Variants in CRPPA observed in about 807,000 individuals in gnomAD.
CRPPA encodes the protein CDP-L-ribitol pyrophosphorylase A, also known as D-ribitol-5-phosphate cytidylyltransferase.
Under a neutral mutation model 52.0 loss-of-function variants are expected in CRPPA, and 43 were observed. The ratio of observed to expected loss-of-function variants is 0.83; its 90% CI spans 0.65 to 1.07. The LOEUF (loss-of-function observed/expected upper bound fraction) is 1.07, where lower values mean the gene tolerates loss of function less well. CRPPA is among the 50% of genes least tolerant of loss of function. CRPPA has a pLI of 0.00. For synonymous variants in CRPPA, 250 were observed against 203.5 expected (o/e 1.23, Z -1.94); for missense variants, 629 against 551.7 (o/e 1.14, Z -1.40).
chr7:16,359,416 G>A (rs1267386312), intron 3 of CRPPA, among the ~76,000 whole-genome samples: 1 of 152,180 alleles, frequency 6.6e-6, no homozygotes, highest in East Asian at 1.9e-4. Flanking sequence ...TGTCATCGTT[G>A]GAAGAATGTC....
At chr7:16,173,175 G>A (rs1191388164) in intron 9 of CRPPA, among the ~76,000 whole-genome samples, 6 of 152,160 alleles carry the variant, frequency 3.9e-5, no homozygotes, top group Non-Finnish European at 2.9e-5. Flanking sequence ...AAATTCCAGG[G>A]TTAAAGCCCA....
intron 9 of CRPPA, among the ~76,000 whole-genome samples, chr7:16,197,472 G>T (rs1402175024): frequency 2.0e-5 from 3 of 152,004 alleles, no homozygotes; most frequent in African/African-American, 7.3e-5. Flanking sequence ...AGGGTAGCTG[G>T]GATGACCGGT....
chr7:16,116,657 T>G (rs1452748103), intron 9 of CRPPA, among the ~76,000 whole-genome samples: 3 of 7,130 alleles, frequency 4.2e-4, no homozygotes, highest in Non-Finnish European at 1.2e-3. Context: ...CGAGACTCGG[T>G]CGAAAAAAAA....
At chr7:16,386,559 G>A (rs1445673706) in intron 2 of CRPPA, among the ~76,000 whole-genome samples, 1 of 152,106 alleles carries the variant, frequency 6.6e-6, no homozygotes, top group African/African-American at 2.4e-5. Context: ...TAACTGATTA[G>A]TCTATAACAT....
chr7:16,123,477 T>C (rs1371487575), intron 9 of CRPPA, among the ~76,000 whole-genome samples: 1 of 152,162 alleles, frequency 6.6e-6, no homozygotes, highest in East Asian at 1.9e-4. Flanking sequence ...TTAAGTTCTG[T>C]CCAGCAACAT....
chr7:16,344,659 G>A (rs1785961629), intron 3 of CRPPA, among the ~76,000 whole-genome samples: 1 of 151,892 alleles, frequency 6.6e-6, no homozygotes, highest in African/African-American at 2.4e-5. Context: ...TAATAAAAAG[G>A]TATAAATTAT....
intron 9 of CRPPA, among the ~76,000 whole-genome samples, chr7:16,201,063 A>T (rs1465794905): frequency 1.3e-5 from 2 of 152,220 alleles, no homozygotes; most frequent in Non-Finnish European, 2.9e-5. Context: ...ACTGCAAGGA[A>T]AATAAATTAA....
At chr7:16,389,107 T>C (rs971474304) in intron 2 of CRPPA, among the ~76,000 whole-genome samples, 1 of 152,170 alleles carries the variant, frequency 6.6e-6, no homozygotes, top group Non-Finnish European at 1.5e-5. Context: ...GGGAATTGAA[T>C]TAGTAATTTA....
At chr7:16,340,540 C>A (rs1047215202) in intron 3 of CRPPA, among the ~76,000 whole-genome samples, 1 of 148,746 alleles carries the variant, frequency 6.7e-6, no homozygotes, top group Non-Finnish European at 1.5e-5. Context: ...GATAATAGTT[C>A]ACATAATACA....
At chr7:16,255,109 C>G (rs1005360030) in intron 8 of CRPPA, among the ~76,000 whole-genome samples, 1 of 152,146 alleles carries the variant, frequency 6.6e-6, no homozygotes, top group Non-Finnish European at 1.5e-5. Flanking sequence ...GATACAAAAT[C>G]AACGTGCAAA....
chr7:16,316,743 G>A (rs147532733), intron 3 of CRPPA, among the ~76,000 whole-genome samples: 4 of 152,174 alleles, frequency 2.6e-5, no homozygotes, highest in African/African-American at 9.6e-5. Context: ...TGTAGTCCAA[G>A]CTACTCAGAA....
chr7:16,319,126 C>A (rs2128426954), intron 3 of CRPPA, among the ~76,000 whole-genome samples: 1 of 152,210 alleles, frequency 6.6e-6, no homozygotes, highest in Non-Finnish European at 1.5e-5. Flanking sequence ...ATAGCTGAGT[C>A]ATATATTATT....
At chr7:16,216,780 T>G (rs930575775) in intron 8 of CRPPA, among the ~76,000 whole-genome samples, 16 of 152,188 alleles carry the variant, frequency 1.1e-4, no homozygotes, top group South Asian at 4.2e-4. Context: ...CAACTGGCTC[T>G]GAGGGTCCTA....
chr7:16,410,832 C>A (rs908478069), intron 1 of CRPPA, among the ~76,000 whole-genome samples: 1 of 152,188 alleles, frequency 6.6e-6, no homozygotes, highest in Non-Finnish European at 1.5e-5. Context: ...CCCCTACTCC[C>A]CGCCAGCCCT....
intron 9 of CRPPA, among the ~76,000 whole-genome samples, chr7:16,162,843 T>G (rs1780936769): frequency 6.6e-6 from 1 of 152,172 alleles, no homozygotes; most frequent in Non-Finnish European, 1.5e-5. Context: ...AGAACTTGCT[T>G]TATGAATCTG....
chr7:16,317,890 T>C (rs1299580946), intron 3 of CRPPA, among the ~76,000 whole-genome samples: 3 of 152,158 alleles, frequency 2.0e-5, no homozygotes, highest in Non-Finnish European at 2.9e-5. Flanking sequence ...CTTTTGTCCA[T>C]ACCCTCACCA....
chr7:16,371,289 A>C (rs978035167), intron 3 of CRPPA, among the ~76,000 whole-genome samples: 6 of 152,180 alleles, frequency 3.9e-5, no homozygotes, highest in East Asian at 3.9e-4. Context: ...GAGAAAAATT[A>C]AACTGTATAC....
At chr7:16,290,288 G>GA (rs1168591245) in intron 5 of CRPPA, among the ~76,000 whole-genome samples, 20 of 147,980 alleles carry the variant, frequency 1.4e-4, no homozygotes, top group South Asian at 6.4e-4. Context: ...CACAGAAATA[G>GA]AAAAAAAAAC....
At chr7:16,190,893 C>A (rs2128390383) in intron 9 of CRPPA, among the ~76,000 whole-genome samples, 1 of 152,162 alleles carries the variant, frequency 6.6e-6, no homozygotes, top group East Asian at 1.9e-4. Flanking sequence ...AGTTTTTTCA[C>A]ATAGAATAAT....
Sources: gnomAD v4.1 joint callset for allele counts (sites outside exome capture counted in the v4.1 genomes callset) on GRCh38, gnomAD v4.1.1 for gene constraint, MANE v1.5 for transcripts, NCBI Gene and HGNC (gene_info 2026-07-23, HGNC 2026-07-21) for gene names.